Variants in DENND1A observed in about 807,000 individuals in gnomAD.
The protein encoded by DENND1A is DENN domain-containing protein 1A.
A neutral mutation model predicts 113.7 loss-of-function variants in DENND1A; 51 were observed. The ratio of observed to expected loss-of-function variants is 0.45; its 90% CI spans 0.36 to 0.57. The LOEUF is 0.57. Among genes scored for constraint, DENND1A ranks in the 20% least tolerant of loss-of-function variants. The probability of loss-of-function intolerance (pLI) is 0.00; values close to 1 mark genes in which losing one functional copy is unlikely to be tolerated. For missense variants in DENND1A, 1,258 were observed against 1,395.9 expected, an observed-to-expected ratio of 0.90 and a Z score of 1.57; for synonymous variants, 565 against 570.8, an observed-to-expected ratio of 0.99 and a Z score of 0.14.
intron 13 of DENND1A, among the ~76,000 whole-genome samples, chr9:123,469,681 A>G (rs2049242960): frequency 6.6e-6 from 1 of 152,250 alleles, no homozygotes; most frequent in Non-Finnish European, 1.5e-5. Context: ...ATCGGCTCTA[A>G]GAGGAAAGCA....
intron 21 of DENND1A, among the ~76,000 whole-genome samples, chr9:123,390,618 C>T (rs541514635): frequency 4.6e-5 from 7 of 152,362 alleles, no homozygotes; most frequent in Non-Finnish European, 8.8e-5. Flanking sequence ...AACCAAGAGG[C>T]GCTTTGAGCC....
intron 2 of DENND1A, among the ~76,000 whole-genome samples, chr9:123,825,789 C>T (rs868129541): frequency 5.9e-5 from 9 of 152,248 alleles, no homozygotes; most frequent in African/African-American, 2.2e-4. Flanking sequence ...TTTCACCCCT[C>T]TTTCCTGGAG....
At chr9:123,392,257 G>A (rs1402469941) in intron 21 of DENND1A, among the ~76,000 whole-genome samples, 2 of 151,988 alleles carry the variant, frequency 1.3e-5, no homozygotes, top group South Asian at 2.1e-4. Context: ...GTGTCACATC[G>A]CGTGGACAAA....
chr9:123,504,993 C>G (rs935940146), intron 13 of DENND1A, among the ~76,000 whole-genome samples: 1 of 152,304 alleles, frequency 6.6e-6, no homozygotes, highest in South Asian at 2.1e-4. Context: ...AACCCACCCC[C>G]CTTGTAAAAG....
chr9:123,622,937 C>G (rs1344175696), intron 10 of DENND1A, among the ~76,000 whole-genome samples: 1 of 152,190 alleles, frequency 6.6e-6, no homozygotes, highest in Non-Finnish European at 1.5e-5. Flanking sequence ...AGGTAGGGAA[C>G]ATTCTCGTTT....
chr9:123,719,395 G>T (rs551530426), intron 5 of DENND1A, among the ~76,000 whole-genome samples: 1 of 152,210 alleles, frequency 6.6e-6, no homozygotes, highest in Non-Finnish European at 1.5e-5. Flanking sequence ...TGCCACTGCC[G>T]TGGATGACAA....
intron 5 of DENND1A, among the ~76,000 whole-genome samples, chr9:123,683,112 C>T (rs534114652): frequency 3.3e-5 from 5 of 152,296 alleles, no homozygotes; most frequent in African/African-American, 9.6e-5. Flanking sequence ...TAATAAAATG[C>T]AAATTTGCCA....
chr9:123,924,222 A>C (rs1856724650), intron 1 of DENND1A, among the ~76,000 whole-genome samples: 1 of 152,236 alleles, frequency 6.6e-6, no homozygotes, highest in Non-Finnish European at 1.5e-5. Flanking sequence ...AGGCAAATCT[A>C]TAGCAAGTAG....
intron 19 of DENND1A, among the ~76,000 whole-genome samples, chr9:123,433,103 A>T (rs901150748): frequency 6.6e-6 from 1 of 152,242 alleles, no homozygotes; most frequent in African/African-American, 2.4e-5. Context: ...GATATTTACC[A>T]GGGGCCTGTG....
intron 5 of DENND1A, among the ~76,000 whole-genome samples, chr9:123,691,764 A>G (rs2065205705): frequency 6.6e-6 from 1 of 152,130 alleles, no homozygotes; most frequent in Non-Finnish European, 1.5e-5. Context: ...ATAGTCTGGA[A>G]TCAGATAAAC....
intron 5 of DENND1A, among the ~76,000 whole-genome samples, chr9:123,700,680 A>C (rs1446964823): frequency 6.6e-6 from 1 of 152,190 alleles, no homozygotes; most frequent in Non-Finnish European, 1.5e-5. Context: ...TCCTTTACTA[A>C]AAGTCAATGA....
intron 13 of DENND1A, among the ~76,000 whole-genome samples, chr9:123,543,242 A>C (rs1394080779): frequency 6.6e-6 from 1 of 152,220 alleles, no homozygotes; most frequent in Non-Finnish European, 1.5e-5. Context: ...AGTGCTTCGT[A>C]AACTGCTGTG....
At chr9:123,468,857 C>A (rs1241495496) in intron 13 of DENND1A, among the ~76,000 whole-genome samples, 1 of 152,236 alleles carries the variant, frequency 6.6e-6, no homozygotes, top group East Asian at 1.9e-4. Context: ...TGTTTGGGAC[C>A]AGATGACCTG....
chr9:123,514,967 A>T (rs1447950729), intron 13 of DENND1A, among the ~76,000 whole-genome samples: 1 of 152,246 alleles, frequency 6.6e-6, no homozygotes, highest in Non-Finnish European at 1.5e-5. Flanking sequence ...GCAGTTTGGC[A>T]GGGTGGAATA....
intron 13 of DENND1A, among the ~76,000 whole-genome samples, chr9:123,469,089 A>T (rs2049185787): frequency 6.6e-6 from 1 of 152,218 alleles, no homozygotes; most frequent in Non-Finnish European, 1.5e-5. Context: ...AAGGTGGGTC[A>T]CTGCATGGCT....
At chr9:123,626,680 T>G (rs2061233402) in intron 10 of DENND1A, among the ~76,000 whole-genome samples, 1 of 152,064 alleles carries the variant, frequency 6.6e-6, no homozygotes, top group Non-Finnish European at 1.5e-5. Flanking sequence ...GTCCTTTCCT[T>G]GGAGATATAT....
rs114223416 is a variant in DENND1A, at chr9:123,879,003, T to C, written c.36A>G (p.Thr12=). The part of the protein sequence containing the change: ...GSRIKQNPET[T]FEVYVEVAYP... ...AGGCCACTTCAACATATACTTCAAA[T>C]GTGGTCTCTGGATTCTGCCTACAAA... is the stretch of plus-strand genomic sequence containing the variant. Residue 12 remains threonine, a synonymous_variant, in exon 2 of 24, where the codon ACA becomes ACG. Transcript: ENST00000394215. The C allele has an allele frequency of 1.9e-6, 3 of 1,613,908 alleles. No individual in the cohort carries two copies. The East Asian group carries it at 6.7e-5, about 36-fold the overall frequency.
chr9:123,573,734 C>T (rs1355049472), intron 12 of DENND1A, among the ~76,000 whole-genome samples: 3 of 152,090 alleles, frequency 2.0e-5, no homozygotes, highest in African/African-American at 7.2e-5. Context: ...AATTTCACTT[C>T]TTTCTAATCA....
At chr9:123,677,075 C>T (rs1400235398) in intron 5 of DENND1A, among the ~76,000 whole-genome samples, 1 of 152,226 alleles carries the variant, frequency 6.6e-6, no homozygotes, top group Non-Finnish European at 1.5e-5. Context: ...CAATCAGGCA[C>T]CATCTCTGAG....
Sources: gnomAD v4.1 joint callset for allele counts (sites outside exome capture counted in the v4.1 genomes callset) on GRCh38, gnomAD v4.1.1 for gene constraint, MANE v1.5 for transcripts, NCBI Gene and HGNC (gene_info 2026-07-23, HGNC 2026-07-21) for gene names.